The following UBE2G1 variants were observed in gnomAD, a reference collection of about 807,000 sequenced individuals.
The protein encoded by UBE2G1 is ubiquitin-conjugating enzyme E2 G1.
In UBE2G1, 5 loss-of-function variants were observed where a neutral mutation model predicts 22.7. That is an observed-to-expected ratio of 0.22 (90% confidence interval 0.12 to 0.46). The LOEUF is 0.46. Ranked by LOEUF, UBE2G1 falls within the 20% of genes least tolerant of loss-of-function variation. UBE2G1 has a pLI of 0.99. For synonymous variants in UBE2G1, 74 were observed against 67.5 expected (o/e 1.10, Z -0.47); for missense variants, 88 against 203.9 (o/e 0.43, Z 3.46).
Position 4,280,339 on chromosome 17 carries a change from T to A in UBE2G1, c.*37+2459A>T, listed in dbSNP as rs1191139613. 5.0e-4 allele frequency among the ~76,000 whole-genome samples: 3 copies of A among 5,950 alleles called. No individual in the cohort carries two copies. In the Non-Finnish European group the frequency reaches 0.038, roughly 76 times the overall value. 3.9% of individuals were successfully genotyped at this position (5,950 alleles called of 152,430 possible). On this transcript the variant is annotated intron_variant, in intron 5 of 5. Coordinates refer to ENST00000396981, the MANE Select transcript of UBE2G1 (RefSeq NM_003342.5). ...AGTGTGAGCCGCGGCACCTGGGCTT[T>A]TTTTTTTTTTTTTTTTTTTTTTTTT... is the stretch of plus-strand genomic sequence containing the variant.
chr17:4,287,977 C>A (rs1968987534), intron 4 of UBE2G1, among the ~76,000 whole-genome samples: 1 of 152,006 alleles, frequency 6.6e-6, no homozygotes. Context: ...AATAATAGTA[C>A]TACATTAACG....
At chr17:4,303,501 T>A (rs888787892) in intron 2 of UBE2G1, among the ~76,000 whole-genome samples, 3 of 152,172 alleles carry the variant, frequency 2.0e-5, no homozygotes, top group Admixed American at 2.0e-4. Flanking sequence ...TTTAAGTAAT[T>A]GTTCAAAGTC....
chr17:4,316,628 C>T (rs1417588692), intron 1 of UBE2G1, among the ~76,000 whole-genome samples: 2 of 152,112 alleles, frequency 1.3e-5, no homozygotes, highest in African/African-American at 4.8e-5. Context: ...TAAAAATTTG[C>T]TTAAAATTAG....
rs1265054272 is a variant in UBE2G1, at chr17:4,284,787, TC to T, written c.427-1867del. On this transcript the variant is annotated intron_variant, in intron 4 of 5. Transcript: ENST00000396981. ...GTGACATAAATACCATTTGTTTTTT[TC>T]CCCCCGAGACTGTCATTTCTTTTTC... 7.3e-5 allele frequency among the ~76,000 whole-genome samples: 11 copies of T among 151,084 alleles called. No individual in the cohort carries two copies. The East Asian group carries it at 1.7e-3, about 24-fold the overall frequency.
In UBE2G1 at chr17:4,354,003, C is replaced by T. The variant is rs1032999117; in HGVS notation, c.46+12268G>A. On this transcript the variant is annotated intron_variant, in intron 1 of 5. Transcript: ENST00000396981. ...TGGCCTACCCCAGCATTTTTAAGGT[C>T]TTCCACAAACGTCAACCTTTCCAGA... 1.1e-4 allele frequency among the ~76,000 whole-genome samples: 16 copies of T among 151,926 alleles called. 1 individual carries two copies. The highest frequency in any genetic ancestry group is 9.9e-4 in the Admixed American group (15 of 15,222).
intron 1 of UBE2G1, among the ~76,000 whole-genome samples, chr17:4,348,957 G>C (rs1969813061): frequency 6.6e-6 from 1 of 151,298 alleles, no homozygotes; most frequent in South Asian, 2.1e-4. Context: ...GGGAGGCCAA[G>C]GCAGGCAGAT....
rs911672901 is a variant in UBE2G1 at position 4,366,645 on chromosome 17, C to G, written c.-329G>C. 19 of 254,704 alleles carry G rather than the reference C, an allele frequency of 7.5e-5. No individual in the cohort carries two copies. In the East Asian group the frequency reaches 1.3e-3, roughly 18 times the overall value. The allele number at this position is 254,704 out of a possible 1,614,324, so 15.8% of individuals were successfully genotyped here. ...TCCCCCGCCACTGCCTCACTGCGCG[C>G]AGGGCCGCTCGGCGCAGGCGCGCTG... On this transcript the variant is annotated 5_prime_UTR_variant, in exon 1 of 6. Transcript: ENST00000396981.
At chr17:4,342,919 C>A (rs1333599385) in intron 1 of UBE2G1, among the ~76,000 whole-genome samples, 2 of 152,158 alleles carry the variant, frequency 1.3e-5, no homozygotes, top group African/African-American at 4.8e-5. Context: ...CCCACTGCAG[C>A]GCCCCTGTAC....
chr17:4,287,102 A>ATT (rs60149939), intron 4 of UBE2G1, among the ~76,000 whole-genome samples: 2 of 136,348 alleles, frequency 1.5e-5, no homozygotes, highest in African/African-American at 5.5e-5. Context: ...GTCAGCTCTG[A>ATT]TTTTTTTTTT....
At chr17:4,328,422 T>C (rs1969526321) in intron 1 of UBE2G1, among the ~76,000 whole-genome samples, 1 of 152,224 alleles carries the variant, frequency 6.6e-6, no homozygotes, top group Admixed American at 6.5e-5. Flanking sequence ...GGTGATTTAA[T>C]AGACCTAGTA....
intron 5 of UBE2G1, among the ~76,000 whole-genome samples, chr17:4,280,706 C>T (rs536862867): frequency 6.7e-6 from 1 of 148,910 alleles, no homozygotes; most frequent in African/African-American, 2.5e-5. Context: ...GGTGTGATCT[C>T]GGCTCACCGC....
chr17:4,363,527 T>C (rs1969992284), intron 1 of UBE2G1, among the ~76,000 whole-genome samples: 1 of 152,218 alleles, frequency 6.6e-6, no homozygotes, highest in African/African-American at 2.4e-5. Context: ...CATCAAAATC[T>C]AGAGCTGGTT....
intron 1 of UBE2G1, among the ~76,000 whole-genome samples, chr17:4,307,328 A>C (rs1969259115): frequency 6.6e-6 from 1 of 152,190 alleles, no homozygotes; most frequent in Admixed American, 6.5e-5. Flanking sequence ...ACTATCCAGA[A>C]GATCAACTTC....
chr17:4,275,969 CT>C (rs1968816938), intron 5 of UBE2G1, among the ~76,000 whole-genome samples: 1 of 152,154 alleles, frequency 6.6e-6, no homozygotes, highest in African/African-American at 2.4e-5. Flanking sequence ...ACTCACTCTC[CT>C]AACTCTCCTG....
intron 1 of UBE2G1, among the ~76,000 whole-genome samples, chr17:4,332,994 A>G (rs1365160499): frequency 1.3e-5 from 2 of 152,166 alleles, no homozygotes; most frequent in African/African-American, 2.4e-5. Flanking sequence ...GTTTTTGTTT[A>G]TTTACTGATA....
At chr17:4,283,523 T>C (rs868672019) in intron 4 of UBE2G1, among the ~76,000 whole-genome samples, 1 of 151,866 alleles carries the variant, frequency 6.6e-6, no homozygotes, top group Non-Finnish European at 1.5e-5. Context: ...CAGTTGGTAA[T>C]CTGAAGGATT....
intron 1 of UBE2G1, among the ~76,000 whole-genome samples, chr17:4,343,875 C>G (rs1969739268): frequency 6.6e-6 from 1 of 152,104 alleles, no homozygotes; most frequent in South Asian, 2.1e-4. Flanking sequence ...GCGTGAGCCA[C>G]CGCGCCCAGC....
chr17:4,328,089 A>C (rs1340931169), intron 1 of UBE2G1, among the ~76,000 whole-genome samples: 1 of 152,200 alleles, frequency 6.6e-6, no homozygotes, highest in Non-Finnish European at 1.5e-5. Flanking sequence ...AATAACTCCG[A>C]ATGGATCACC....
chr17:4,347,475 T>C (rs562680079), intron 1 of UBE2G1, among the ~76,000 whole-genome samples: 1 of 130,852 alleles, frequency 7.6e-6, no homozygotes, highest in Admixed American at 7.3e-5. Context: ...TCTTCTTTTT[T>C]TTTTTTTTTT....
Sources: gnomAD v4.1 joint callset for allele counts (sites outside exome capture counted in the v4.1 genomes callset) on GRCh38, gnomAD v4.1.1 for gene constraint, MANE v1.5 for transcripts, NCBI Gene and HGNC (gene_info 2026-07-23, HGNC 2026-07-21) for gene names.